Variants in SERTAD2 observed in about 807,000 individuals in gnomAD.
The protein encoded by SERTAD2 is SERTA domain containing 2.
In SERTAD2, 2 loss-of-function variants were observed where a neutral mutation model predicts 15.4. The ratio of observed to expected loss-of-function variants is 0.13; its 90% CI spans 0.05 to 0.41. The LOEUF is 0.41. SERTAD2 is among the 10% of genes least tolerant of loss of function. The pLI is 0.99. For synonymous variants in SERTAD2, 180 were observed against 178.0 expected (o/e 1.01, Z -0.09); for missense variants, 333 against 409.7 (o/e 0.81, Z 1.62).
At chr2:64,647,261 A>C (rs1423417363) in intron 1 of SERTAD2, among the ~76,000 whole-genome samples, 1 of 152,222 alleles carries the variant, frequency 6.6e-6, no homozygotes, top group Non-Finnish European at 1.5e-5. Context: ...CACATTTGAA[A>C]ATTGGAAACT....
intron 1 of SERTAD2, chr2:64,644,801 C>A (rs558374066): frequency 2.3e-4 from 35 of 152,452 alleles, no homozygotes; most frequent in African/African-American, 8.4e-4. Context: ...GACACTGCAG[C>A]AGGCACGGGA....
intron 1 of SERTAD2, among the ~76,000 whole-genome samples, chr2:64,640,647 G>A (rs1305113176): frequency 6.6e-6 from 1 of 152,052 alleles, no homozygotes; most frequent in Non-Finnish European, 1.5e-5. Flanking sequence ...TTCCTGCGGA[G>A]GGGGGGCCTG....
chr2:64,652,392 G>A (rs183637957), intron 1 of SERTAD2, among the ~76,000 whole-genome samples: 2 of 152,136 alleles, frequency 1.3e-5, no homozygotes, highest in Non-Finnish European at 1.5e-5. Context: ...CTTCAGGGGC[G>A]GAGCGAAGCC....
intron 1 of SERTAD2, among the ~76,000 whole-genome samples, chr2:64,638,876 A>G (rs1026092086): frequency 2.0e-5 from 3 of 152,188 alleles, no homozygotes; most frequent in Non-Finnish European, 4.4e-5. Flanking sequence ...TTCCTATCTA[A>G]AGTATCTGTT....
Position 64,632,051 on chromosome 2 carries a change from T to C in SERTAD2, c.*3876A>G, listed in dbSNP as rs1430184853. ...TAGAAACACTGAAAACAATTGTACA[T>C]AAGCAGGATGCACACAACTCCATGC... is the stretch of plus-strand genomic sequence containing the variant. On this transcript the variant is annotated 3_prime_UTR_variant, in exon 2 of 2. Coordinates refer to ENST00000313349, the MANE Select transcript of SERTAD2 (RefSeq NM_014755.3). The C allele has an allele frequency of 6.6e-6, 1 of 152,590 alleles. No individual in the cohort carries two copies. The highest frequency in any genetic ancestry group is 1.9e-4 in the East Asian group (1 of 5,198). The allele number at this position is 152,590 out of a possible 1,614,324, so 9.5% of individuals were successfully genotyped here.
rs955212438 is a variant in SERTAD2 at position 64,633,606 on chromosome 2, T to C, written c.*2321A>G. The stretch of plus-strand genomic sequence containing the variant: ...CCAGGTCCTCCAGTTATAGAAAGCA[T>C]GGAATCTGGGCAGACTTGTTCTCTG... On this transcript the variant is annotated 3_prime_UTR_variant, in exon 2 of 2. Transcript: ENST00000313349. 1 of 152,210 alleles carries C rather than the reference T, an allele frequency of 6.6e-6. No individual in the cohort carries two copies. Among genetic ancestry groups the C allele is most frequent in the Non-Finnish European group, 1.5e-5 (1 of 68,024 alleles). The allele number at this position is 152,210 out of a possible 1,614,324, so 9.4% of individuals were successfully genotyped here. A position where few individuals can be genotyped will look rare whatever the true frequency, so the allele number is the denominator to read the frequency against.
intron 1 of SERTAD2, among the ~76,000 whole-genome samples, chr2:64,645,255 T>A (rs1480435723): frequency 6.6e-6 from 1 of 152,172 alleles, no homozygotes; most frequent in African/African-American, 2.4e-5. Flanking sequence ...CTCCGGGCTC[T>A]CCCGCTGCGC....
chr2:64,640,646 A>AG (rs1298305159), intron 1 of SERTAD2, among the ~76,000 whole-genome samples: 9 of 147,478 alleles, frequency 6.1e-5, no homozygotes, highest in African/African-American at 2.0e-4. Context: ...GTTCCTGCGG[A>AG]GGGGGGGCCT....
At chr2:64,637,238 TC>T (rs1190435356) in intron 1 of SERTAD2, among the ~76,000 whole-genome samples, 8 of 152,194 alleles carry the variant, frequency 5.3e-5, no homozygotes, top group African/African-American at 1.9e-4. Context: ...AGGTTCGATT[TC>T]CCTCCCCCAC....
intron 1 of SERTAD2, among the ~76,000 whole-genome samples, chr2:64,637,204 T>C (rs1161880890): frequency 6.6e-6 from 1 of 152,224 alleles, no homozygotes; most frequent in Non-Finnish European, 1.5e-5. Context: ...TGTGCTTGTG[T>C]TCGCATGCCT....
intron 1 of SERTAD2, among the ~76,000 whole-genome samples, chr2:64,647,339 T>C (rs1297740900): frequency 6.6e-6 from 1 of 152,142 alleles, no homozygotes; most frequent in Non-Finnish European, 1.5e-5. Context: ...GGTGTCAGAG[T>C]ATGTTTTTAG....
intron 1 of SERTAD2, among the ~76,000 whole-genome samples, chr2:64,640,326 G>T (rs1398158114): frequency 2.6e-5 from 4 of 152,090 alleles, no homozygotes; most frequent in Non-Finnish European, 5.9e-5. Flanking sequence ...ACCTCCTTAA[G>T]CAGGGCCCAA....
In SERTAD2 at chr2:64,635,705, A is replaced by C; in HGVS notation, c.*222T>G. ...AATGGATTCTTTCCTATACCAGGGT[A>C]GTAGGTCTCTGAGGAACCACTCAAA... is the stretch of plus-strand genomic sequence containing the variant. On this transcript the variant is annotated 3_prime_UTR_variant, in exon 2 of 2. Transcript: ENST00000313349. The C allele has an allele frequency of 2.0e-6, 1 of 492,964 alleles. No individual in the cohort carries two copies. The allele number at this position is 492,964 out of a possible 1,614,324, so 30.5% of individuals were successfully genotyped here.
At chr2:64,647,625 TAG>T (rs1158292069) in intron 1 of SERTAD2, among the ~76,000 whole-genome samples, 2 of 151,828 alleles carry the variant, frequency 1.3e-5, no homozygotes, top group Non-Finnish European at 2.9e-5. Flanking sequence ...GTGGGGAACT[TAG>T]AGTAGAAAGG....
chr2:64,641,499 G>A (rs1674777771), intron 1 of SERTAD2, among the ~76,000 whole-genome samples: 1 of 152,192 alleles, frequency 6.6e-6, no homozygotes, highest in Non-Finnish European at 1.5e-5. Flanking sequence ...CAGACGGTGT[G>A]TGTTTTGTTC....
Position 64,636,560 on chromosome 2 carries a change from C to G in SERTAD2, c.312G>C (p.Pro104=). ...TEPSDSYREA[P]PAFSHLASPS... Reference sequence around the variant, plus strand: ...GGGACGCCAGGTGGCTGAAGGCCGGCGGGGCCTCTCGGTAGCTGTCGCTGG... The same window carrying G: ...GGGACGCCAGGTGGCTGAAGGCCGGGGGGGCCTCTCGGTAGCTGTCGCTGG... Residue 104 remains proline (P), a synonymous_variant, in exon 2 of 2, where the codon CCG becomes CCC. Coordinates refer to ENST00000313349, the MANE Select transcript of SERTAD2 (RefSeq NM_014755.3). The G allele has an allele frequency of 6.3e-7, 1 of 1,587,136 alleles. No homozygotes were observed. Among genetic ancestry groups the G allele is most frequent in the Non-Finnish European group, 8.6e-7 (1 of 1,164,900 alleles).
At chr2:64,651,760 C>G (rs560069890) in intron 1 of SERTAD2, among the ~76,000 whole-genome samples, 1 of 152,306 alleles carries the variant, frequency 6.6e-6, no homozygotes, top group African/African-American at 2.4e-5. Flanking sequence ...TTACCTAAGA[C>G]GCTGTGACAT....
Position 64,636,822 on chromosome 2 carries a change from A to G in SERTAD2, c.50T>C (p.Leu17Pro). 1 of 1,614,190 alleles carries G rather than the reference A, an allele frequency of 6.2e-7. No homozygotes were observed. The highest frequency in any genetic ancestry group is 1.1e-5 in the South Asian group (1 of 91,086). ...KRKFDEHEDG[L>P]EGKIVSPCDG... Reference sequence around the variant, plus strand: ...ACAGGGAGACACGATTTTGCCTTCCAGCCCATCTTCATGCTCATCAAACTT... The same window carrying G: ...ACAGGGAGACACGATTTTGCCTTCCGGCCCATCTTCATGCTCATCAAACTT... Residue 17 changes from leucine to proline, a missense_variant, in exon 2 of 2, where the codon CTG (leucine) becomes CCG (proline). By Grantham distance (98) the Leu-to-Pro change is moderately conservative. This residue lies in a region of SERTAD2 where 332 missense variants were observed against 392.9 expected (regional missense o/e 0.84). Coordinates refer to ENST00000313349, the MANE Select transcript of SERTAD2 (RefSeq NM_014755.3).
chr2:64,639,174 T>TA (rs1193337337), intron 1 of SERTAD2, among the ~76,000 whole-genome samples: 11 of 152,250 alleles, frequency 7.2e-5, no homozygotes, highest in Admixed American at 7.2e-4. Context: ...CACAGATACA[T>TA]ACACACTCTA....
Sources: allele counts gnomAD v4.1 joint callset (sites outside exome capture counted in the v4.1 genomes callset), GRCh38; gene constraint gnomAD v4.1.1; regional missense constraint gnomAD v4.1.1; transcripts MANE v1.5; gene names NCBI Gene and HGNC (gene_info 2026-07-23, HGNC 2026-07-21).